FCN1: variants seen among roughly 807,000 people sequenced by gnomAD.
The protein encoded by FCN1 is ficolin 1.
A neutral mutation model predicts 35.6 loss-of-function variants in FCN1; 42 were observed. The observed-to-expected ratio is 1.18, with a 90% confidence interval of 0.92 to 1.53. FCN1 has a LOEUF of 1.53. Among genes scored for constraint, FCN1 ranks in the 40% most tolerant of loss-of-function variants. The pLI is 0.00. For synonymous variants in FCN1, 179 were observed against 169.8 expected (o/e 1.05, Z -0.42); for missense variants, 439 against 428.4 (o/e 1.02, Z -0.22).
rs1217594687 is a variant in FCN1, at chr9:134,904,234, A to G, written c.*5564T>C. 2.0e-5 allele frequency among the ~76,000 whole-genome samples: 3 copies of G among 152,196 alleles called. No individual in the cohort carries two copies. Among genetic ancestry groups the G allele is most frequent in the Non-Finnish European group, 4.4e-5 (3 of 68,040 alleles). ...TAGTAAAACTATCAAGGCAAAGAAA[A>G]AAAATTTTATAAATGTATTTTTTGA... On this transcript the variant is annotated 3_prime_UTR_variant, in exon 9 of 9. Transcript: ENST00000371806.
At position 134,916,368 on chromosome 9, in the gene FCN1, GCCTCTC is replaced by G. The variant is rs760610204; in HGVS notation, c.191_196del (p.Gly64_Glu65del). 12 of 1,613,884 alleles carry G rather than the reference GCCTCTC, an allele frequency of 7.4e-6. No homozygotes were observed. In the East Asian group the frequency reaches 2.7e-4, roughly 36 times the overall value. ...CCTACCTCTCTCTCCAATGACACCT[GCCTCTC>G]CCTTTGGCCCTGGGGCCCCGGGCAG... On this transcript the variant is annotated inframe_deletion, in exon 2 of 9. Transcript: ENST00000371806.
chr9:134,910,430 T>A (rs1450302373), intron 8 of FCN1, among the ~76,000 whole-genome samples: 1 of 152,082 alleles, frequency 6.6e-6, no homozygotes, highest in East Asian at 1.9e-4. Context: ...CCTGGGGGCT[T>A]CTCCTCTATC....
chr9:134,915,279 G>C (rs1831078210), intron 2 of FCN1, among the ~76,000 whole-genome samples: 1 of 152,126 alleles, frequency 6.6e-6, no homozygotes, highest in Non-Finnish European at 1.5e-5. Flanking sequence ...GAGCTCCTGG[G>C]GTGTCACACA....
rs1342143189 is a variant in FCN1, at chr9:134,903,862, A to G, written c.*5936T>C. ...TGGAGTCTACACTGGCTATTCTATA[A>G]CTGAAATTAATAACTCAATCAATGG... On this transcript the variant is annotated 3_prime_UTR_variant, in exon 9 of 9. Coordinates refer to ENST00000371806, the MANE Select transcript of FCN1 (RefSeq NM_002003.5). 2.0e-5 allele frequency among the ~76,000 whole-genome samples: 3 copies of G among 152,232 alleles called. No homozygotes were observed. Among genetic ancestry groups the G allele is most frequent in the African/African-American group, 7.2e-5 (3 of 41,454 alleles).
chr9:134,914,780 T>C lies in FCN1; in HGVS notation c.247A>G (p.Lys83Glu). 1 of 1,613,102 alleles carries C rather than the reference T, an allele frequency of 6.2e-7. No individual in the cohort carries two copies. The highest frequency in any genetic ancestry group is 2.2e-5 in the East Asian group (1 of 44,866). Residue 83 changes from lysine (K) to glutamate (E), a missense_variant, in exon 3 of 9, where the codon AAG becomes GAG. Transcript: ENST00000371806. ...GERGLPGAPGKAGPVGPKGDR... is the reference protein window; with the variant it reads ...GERGLPGAPGEAGPVGPKGDR... ...CCTTTGGGCCCCACTGGTCCTGCCT[T>C]TCCAGGGGCTCCAGGGAGACCGCGT...
Position 134,905,695 on chromosome 9 carries a change from A to G in FCN1, c.*4103T>C, listed in dbSNP as rs1217737613. Among the ~76,000 whole-genome samples, 5 of 151,752 alleles carry G rather than the reference A, an allele frequency of 3.3e-5. No homozygotes were observed. In the East Asian group the frequency reaches 7.8e-4, roughly 24 times the overall value. On this transcript the variant is annotated 3_prime_UTR_variant, in exon 9 of 9. Transcript: ENST00000371806. The stretch of plus-strand genomic sequence containing the variant: ...GAGACGGGGTTTCATCATGTTAGCC[A>G]GGATGGTCTTGATCTCCTGACCTTG...
At chr9:134,913,490 C>T (rs1831052628) in intron 5 of FCN1, 91 bp downstream of exon 5, 1 of 1,027,174 alleles carries the variant, frequency 9.7e-7, no homozygotes, top group Non-Finnish European at 1.5e-6. Context: ...AGACAGGGTT[C>T]TGTCCTTAGA....
rs1028307397 is a variant in FCN1, at chr9:134,907,009, T to C, written c.*2789A>G. 1 of 152,164 alleles carries C rather than the reference T, an allele frequency of 6.6e-6. No homozygotes were observed. Among genetic ancestry groups the C allele is most frequent in the Non-Finnish European group, 1.5e-5 (1 of 68,018 alleles). The allele number at this position is 152,164 out of a possible 1,614,324, so 9.4% of individuals were successfully genotyped here. On this transcript the variant is annotated 3_prime_UTR_variant, in exon 9 of 9. Transcript: ENST00000371806. ...ATCTCTTGAACCTGGGAGGTGGAGA[T>C]TGCAGTGAGCTGAGATCACGCCACT...
chr9:134,913,452 G>A (rs770783133), intron 5 of FCN1, 129 bp downstream of exon 5: 14 of 727,990 alleles, frequency 1.9e-5, no homozygotes, highest in Admixed American at 5.5e-5. Context: ...CCCATTACTC[G>A]AGTGATTGAG....
In FCN1 at chr9:134,905,552, C is replaced by T. The variant is rs1331189275; in HGVS notation, c.*4246G>A. Among the ~76,000 whole-genome samples the T allele has an allele frequency of 6.6e-6, 1 of 151,966 alleles. No individual in the cohort carries two copies. Among genetic ancestry groups the T allele is most frequent in the South Asian group, 2.1e-4 (1 of 4,806 alleles). ...AGGCTGGAGTGCAGTGGTGCGATCT[C>T]GGCTCACTTCAACCTCTGCCTCCTG... is the stretch of plus-strand genomic sequence containing the variant. On this transcript the variant is annotated 3_prime_UTR_variant, in exon 9 of 9. Transcript: ENST00000371806.
rs1588152936 is a variant in FCN1, at chr9:134,914,253, C to A, written c.307+132G>T. 10 of 832,876 alleles carry A rather than the reference C, an allele frequency of 1.2e-5. No homozygotes were observed. In the South Asian group the frequency reaches 1.4e-4, roughly 11 times the overall value. The allele number at this position is 832,876 out of a possible 1,614,324, so 51.6% of individuals were successfully genotyped here. A position where few individuals can be genotyped will look rare whatever the true frequency, so the allele number is the denominator to read the frequency against. On this transcript the variant is annotated intron_variant, in intron 4 of 8. Coordinates refer to ENST00000371806, the MANE Select transcript of FCN1 (RefSeq NM_002003.5). ...TTCTGACAACAAAGCCCGCTGGACT[C>A]CTTCCACCCCTCCCTGCCCACAGCC...
chr9:134,913,469 A>C, intron 5 of FCN1, 112 bp downstream of exon 5: 1 of 800,350 alleles, frequency 1.2e-6, no homozygotes, highest in Non-Finnish European at 2.0e-6. Flanking sequence ...TGAGGGGGGG[A>C]TGATAGGTGC....
intron 7 of FCN1, among the ~76,000 whole-genome samples, chr9:134,912,183 G>A (rs1161321202): frequency 6.6e-6 from 1 of 152,206 alleles, no homozygotes; most frequent in Non-Finnish European, 1.5e-5. Context: ...AACAGCTGGA[G>A]ATGGGGGAAG....
intron 7 of FCN1, 126 bp downstream of exon 7, chr9:134,912,360 C>T: frequency 2.1e-6 from 2 of 968,416 alleles, no homozygotes; most frequent in Non-Finnish European, 1.5e-6. Flanking sequence ...GTCCCAGTGC[C>T]ACCTGAGTGT....
chr9:134,910,591 G>C (rs971277194), intron 8 of FCN1, among the ~76,000 whole-genome samples: 1 of 152,190 alleles, frequency 6.6e-6, no homozygotes, highest in African/African-American at 2.4e-5. Flanking sequence ...CCTGTGAAAG[G>C]ACTGCACAGA....
chr9:134,912,890 C>T (rs1225109117), intron 6 of FCN1, 126 bp downstream of exon 6: 23 of 1,454,502 alleles, frequency 1.6e-5, no homozygotes, highest in Non-Finnish European at 2.0e-5. Context: ...CGGGTCACTT[C>T]CCCCATCATC....
In FCN1 at chr9:134,912,582, A is replaced by G; in HGVS notation, c.502T>C (p.Phe168Leu). ...TTGTATGCGGCCCAGTCCCGATAGA[A>G]GTCCACAGAGCCATCCATCCTCCGC... Reference protein sequence around the residue: ...FQRRMDGSVDFYRDWAAYKQG... With the variant: ...FQRRMDGSVDLYRDWAAYKQG... The change falls in exon 7 of 9, where the codon TTC (phenylalanine) becomes CTC (leucine). Residue 168 changes from phenylalanine (F) to leucine (L), a missense_variant. Transcript: ENST00000371806. 2 of 1,614,162 alleles carry G rather than the reference A, an allele frequency of 1.2e-6. No individual in the cohort carries two copies. The highest frequency in any genetic ancestry group is 8.5e-7 in the Non-Finnish European group (1 of 1,180,008).
chr9:134,917,707 G>T, intron 1 of FCN1, 62 bp downstream of exon 1: 1 of 1,049,654 alleles, frequency 9.5e-7, no homozygotes, highest in Non-Finnish European at 1.5e-6. Context: ...TGGGACACCC[G>T]AGTGTCAGTG....
chr9:134,915,652 G>C (rs1831083494), intron 2 of FCN1, among the ~76,000 whole-genome samples: 1 of 151,906 alleles, frequency 6.6e-6, no homozygotes, highest in Non-Finnish European at 1.5e-5. Context: ...ATTTGAGCTT[G>C]TCCCATCTAC....
Sources: allele counts gnomAD v4.1 joint callset (sites outside exome capture counted in the v4.1 genomes callset), GRCh38; gene constraint gnomAD v4.1.1; transcripts MANE v1.5; gene names NCBI Gene and HGNC (gene_info 2026-07-23, HGNC 2026-07-21).